ERBB4: variants seen among roughly 807,000 people sequenced by gnomAD.
ERBB4 encodes erb-b2 receptor tyrosine kinase 4.
Under a neutral mutation model 158.0 loss-of-function variants are expected in ERBB4, and 42 were observed. The observed-to-expected ratio is 0.27, with a 90% CI of 0.21 to 0.34. The LOEUF (loss-of-function observed/expected upper bound fraction) is 0.34. Ranked by LOEUF, ERBB4 falls within the 10% of genes least tolerant of loss-of-function variation. The pLI, the probability that ERBB4 is intolerant of heterozygous loss-of-function variation, is 1.00. For missense variants in ERBB4, 1,333 were observed against 1,624.1 expected, an observed-to-expected ratio of 0.82 and a Z score of 3.08; for synonymous variants, 583 against 558.7, an observed-to-expected ratio of 1.04 and a Z score of -0.61.
At position 212,360,550 on chromosome 2, in the gene ERBB4, T is replaced by A. The variant is rs1018159418; in HGVS notation, c.82+177899A>T. 3.3e-5 allele frequency among the ~76,000 whole-genome samples: 5 copies of A among 151,676 alleles called. No homozygotes were observed. In the Admixed American group the frequency reaches 3.3e-4, roughly 10 times the overall value. The stretch of plus-strand genomic sequence containing the variant: ...ACTTTTTTATTAGAATAATGCCTAA[T>A]CTAATGTTTGGCATATCATGGGCTC... On this transcript the variant is annotated intron_variant, in intron 1 of 27. Coordinates refer to ENST00000342788, the MANE Select transcript of ERBB4 (RefSeq NM_005235.3).
chr2:212,490,492 G>C (rs1477869044), intron 1 of ERBB4, among the ~76,000 whole-genome samples: 9 of 151,616 alleles, frequency 5.9e-5, no homozygotes, highest in Non-Finnish European at 8.9e-5. Flanking sequence ...TATCTGATTA[G>C]TATATTATTT....
intron 14 of ERBB4, among the ~76,000 whole-genome samples, chr2:211,667,979 G>A (rs371472540): frequency 6.6e-5 from 10 of 152,130 alleles, no homozygotes; most frequent in East Asian, 1.9e-4. Flanking sequence ...TCATCATTGC[G>A]CAGATATCAC....
At chr2:211,440,315 C>CAA (rs1413085318) in intron 20 of ERBB4, among the ~76,000 whole-genome samples, 1 of 152,120 alleles carries the variant, frequency 6.6e-6, no homozygotes, top group Non-Finnish European at 1.5e-5. Flanking sequence ...ATGTGCTTTC[C>CAA]AATGAGAATG....
At chr2:211,842,091 T>C (rs772408389) in intron 3 of ERBB4, among the ~76,000 whole-genome samples, 12 of 152,080 alleles carry the variant, frequency 7.9e-5, no homozygotes, top group Non-Finnish European at 1.3e-4. Context: ...AACAGCAATT[T>C]ACCAATTCCT....
intron 2 of ERBB4, among the ~76,000 whole-genome samples, chr2:212,062,034 C>T (rs2077786717): frequency 6.6e-6 from 1 of 152,100 alleles, no homozygotes; most frequent in Admixed American, 6.5e-5. Context: ...TGCACCTGGC[C>T]TAGATTGTTT....
intron 1 of ERBB4, among the ~76,000 whole-genome samples, chr2:212,469,144 T>C (rs1688990329): frequency 6.6e-6 from 1 of 152,204 alleles, no homozygotes; most frequent in African/African-American, 2.4e-5. Flanking sequence ...TTTCAAAATC[T>C]ACATATAATA....
chr2:211,580,883 A>T (rs1309809890), intron 19 of ERBB4, among the ~76,000 whole-genome samples: 216 of 3,604 alleles, frequency 0.06, 24 homozygotes, highest in Admixed American at 0.34. Context: ...ATATATATAT[A>T]TATATATATA....
chr2:211,606,282 G>A (rs557228505), intron 19 of ERBB4, among the ~76,000 whole-genome samples: 3 of 152,078 alleles, frequency 2.0e-5, no homozygotes, highest in East Asian at 1.9e-4. Context: ...ATTTGTAAAC[G>A]GGAATGTTAT....
intron 20 of ERBB4, among the ~76,000 whole-genome samples, chr2:211,499,984 T>C (rs1213252256): frequency 6.6e-6 from 1 of 152,154 alleles, no homozygotes; most frequent in Non-Finnish European, 1.5e-5. Context: ...TGATGTACCC[T>C]ACTAGTGAGT....
chr2:211,732,378 C>A (rs2074451622), intron 5 of ERBB4, among the ~76,000 whole-genome samples: 1 of 150,882 alleles, frequency 6.6e-6, no homozygotes, highest in Admixed American at 6.6e-5. Context: ...AAAATTAGAC[C>A]TAGCAAAATG....
intron 2 of ERBB4, among the ~76,000 whole-genome samples, chr2:212,114,773 A>C (rs1490509167): frequency 2.6e-5 from 4 of 152,166 alleles, no homozygotes; most frequent in Non-Finnish European, 5.9e-5. Context: ...TTTGACTTGC[A>C]ATTTTACCTC....
At chr2:211,590,964 A>G (rs192919429) in intron 19 of ERBB4, among the ~76,000 whole-genome samples, 30 of 152,350 alleles carry the variant, frequency 2.0e-4, no homozygotes, top group African/African-American at 6.7e-4. Context: ...CTTAAACAAT[A>G]TAATTCTTTT....
intron 1 of ERBB4, among the ~76,000 whole-genome samples, chr2:212,198,481 T>C (rs181780069): frequency 1.8e-4 from 28 of 152,318 alleles, no homozygotes; most frequent in African/African-American, 5.3e-4. Flanking sequence ...ATATTTCTCA[T>C]TTTATGACTG....
At chr2:211,515,896 T>TTTTATATATATATATATATATATATA (rs1394844699) in intron 20 of ERBB4, among the ~76,000 whole-genome samples, 3 of 88,938 alleles carry the variant, frequency 3.4e-5, no homozygotes, top group African/African-American at 1.6e-4. Flanking sequence ...AAAACATATA[T>TTTTATATATATATATATATATATATA]TATATATATA....
At chr2:211,536,005 C>T (rs901800078) in intron 20 of ERBB4, among the ~76,000 whole-genome samples, 5 of 151,532 alleles carry the variant, frequency 3.3e-5, no homozygotes, top group Admixed American at 2.0e-4. Context: ...CAAGAGTATA[C>T]TGGAAAAGCG....
At chr2:212,233,908 T>C (rs10183628) in intron 1 of ERBB4, among the ~76,000 whole-genome samples, 6,194 of 151,490 alleles carry the variant, frequency 0.041, 394 homozygotes, top group African/African-American at 0.14. Flanking sequence ...TCCAGAGTTC[T>C]GTCCTAAATT....
chr2:212,297,655 C>G (rs923130368), intron 1 of ERBB4, among the ~76,000 whole-genome samples: 1 of 151,752 alleles, frequency 6.6e-6, no homozygotes, highest in Non-Finnish European at 1.5e-5. Context: ...TAAACTTTTA[C>G]TTACAGTTTT....
chr2:211,410,122 C>T (rs2063227072), intron 25 of ERBB4, among the ~76,000 whole-genome samples: 1 of 152,070 alleles, frequency 6.6e-6, no homozygotes, highest in South Asian at 2.1e-4. Context: ...AACCAAGTGC[C>T]AAAGGAAGGA....
chr2:212,109,576 T>A (rs947632239), intron 2 of ERBB4, among the ~76,000 whole-genome samples: 7 of 152,202 alleles, frequency 4.6e-5, no homozygotes, highest in African/African-American at 1.7e-4. Context: ...TATCCTTACA[T>A]GCAAGGTCTT....
Sources: allele counts gnomAD v4.1 joint callset (sites outside exome capture counted in the v4.1 genomes callset), GRCh38; gene constraint gnomAD v4.1.1; transcripts MANE v1.5; gene names NCBI Gene and HGNC (gene_info 2026-07-23, HGNC 2026-07-21).